PCDHA11: variants seen among roughly 807,000 people sequenced by gnomAD.
The protein encoded by PCDHA11 is protocadherin alpha 11, also known as protocadherin alpha-11.
In PCDHA11, 61 loss-of-function variants were observed where a neutral mutation model predicts 70.3. That is an observed-to-expected ratio of 0.87 (90% CI 0.71 to 1.07). PCDHA11 has a LOEUF of 1.07. PCDHA11 is among the 50% of genes least tolerant of loss of function. The pLI is 0.00. For synonymous variants in PCDHA11, 633 were observed against 555.1 expected, an observed-to-expected ratio of 1.14 and a Z score of -1.97; for missense variants, 1,324 against 1,237.5, an observed-to-expected ratio of 1.07 and a Z score of -1.05.
intron 1 of PCDHA11, among the ~76,000 whole-genome samples, chr5:140,911,436 C>T (rs369054235): frequency 6.1e-4 from 93 of 152,242 alleles, no homozygotes; most frequent in South Asian, 2.9e-3. Context: ...TCCAATTTCC[C>T]GCAATTTCAG....
intron 1 of PCDHA11, among the ~76,000 whole-genome samples, chr5:140,901,437 C>G (rs1554189835): frequency 1.3e-5 from 2 of 152,132 alleles, no homozygotes; most frequent in Non-Finnish European, 2.9e-5. Flanking sequence ...ATATGGATAT[C>G]TAGTTTCCCA....
chr5:140,963,526 T>G (rs1359195018), intron 1 of PCDHA11, among the ~76,000 whole-genome samples: 3 of 152,204 alleles, frequency 2.0e-5, no homozygotes, highest in Non-Finnish European at 4.4e-5. Flanking sequence ...ATAACAGAAG[T>G]CCCATTTACT....
At chr5:140,967,626 G>T in intron 1 of PCDHA11, 2 of 1,614,138 alleles carry the variant, frequency 1.2e-6, no homozygotes, top group Non-Finnish European at 1.7e-6. Flanking sequence ...CCGGATGAGG[G>T]CTCCAATGGT....
chr5:140,876,118 G>T, intron 1 of PCDHA11: 1 of 1,613,926 alleles, frequency 6.2e-7, no homozygotes, highest in South Asian at 1.1e-5. Context: ...GATGGTAATC[G>T]ATGGCGGTAA....
intron 1 of PCDHA11, among the ~76,000 whole-genome samples, chr5:140,920,911 G>C (rs1290667252): frequency 6.6e-6 from 1 of 150,718 alleles, no homozygotes; most frequent in African/African-American, 2.4e-5. Context: ...TCTCAAATCA[G>C]TTCCAAGAGT....
In PCDHA11 at chr5:140,884,578, G is replaced by A. The variant is rs1554181757; in HGVS notation, c.2391+13084G>A. 6 of 1,614,104 alleles carry A rather than the reference G, an allele frequency of 3.7e-6. No homozygotes were observed. In the South Asian group the frequency reaches 4.4e-5, roughly 12 times the overall value. On this transcript the variant is annotated intron_variant, in intron 1 of 3. Transcript: ENST00000398640. ...AGGGCCCGCATAAGACGGACCTCAT[G>A]GCCTTCAGTCCCAGCCTTCCTCCTT...
At chr5:140,983,931 G>A (rs1398681067) in intron 3 of PCDHA11, among the ~76,000 whole-genome samples, 1 of 152,190 alleles carries the variant, frequency 6.6e-6, no homozygotes, top group Non-Finnish European at 1.5e-5. Context: ...GCTATTTATG[G>A]ATGTTGCACA....
intron 1 of PCDHA11, among the ~76,000 whole-genome samples, chr5:140,895,943 TG>T (rs1176755658): frequency 6.6e-6 from 1 of 152,148 alleles, no homozygotes; most frequent in Non-Finnish European, 1.5e-5. Flanking sequence ...CCCGAGTAGC[TG>T]GGATTACAGG....
At chr5:140,940,271 T>C (rs1371680526) in intron 1 of PCDHA11, among the ~76,000 whole-genome samples, 1 of 152,228 alleles carries the variant, frequency 6.6e-6, no homozygotes, top group East Asian at 1.9e-4. Context: ...GGTTCCACTG[T>C]TGTCTCATTG....
rs782590821 is a variant in PCDHA11 at position 140,929,251 on chromosome 5, G to T, written c.2392-49698G>T. On this transcript the variant is annotated intron_variant, in intron 1 of 3. Transcript: ENST00000398640. ...CGACCTGCGAAATCTTGCCACTGGG[G>T]TAGGACTGAATTTGCCAATATCCTG... The T allele has an allele frequency of 3.1e-6, 5 of 1,613,416 alleles. No homozygotes were observed. Among genetic ancestry groups the T allele is most frequent in the African/African-American group, 1.3e-5 (1 of 74,908 alleles).
chr5:140,925,935 CTCTTGGAG>C (rs35448813), intron 1 of PCDHA11, among the ~76,000 whole-genome samples: 7,062 of 152,190 alleles, frequency 0.046, 287 homozygotes, highest in African/African-American at 0.11. Context: ...CAAGTAGAGC[CTCTTGGAG>C]AAGGAGAAAC....
chr5:140,882,351 G>A, intron 1 of PCDHA11: 1 of 1,614,214 alleles, frequency 6.2e-7, no homozygotes, highest in East Asian at 2.2e-5. Context: ...GAGACGGGTA[G>A]TGGCCAGCTC....
At position 140,928,212 on chromosome 5, in the gene PCDHA11, C is replaced by G. The variant is rs1388758279; in HGVS notation, c.2392-50737C>G. The G allele has an allele frequency of 2.5e-6, 4 of 1,614,106 alleles. No individual in the cohort carries two copies. The African/African-American group carries it at 5.3e-5, about 22-fold the overall frequency. On this transcript the variant is annotated intron_variant, in intron 1 of 3. Coordinates refer to ENST00000398640, the MANE Select transcript of PCDHA11 (RefSeq NM_018902.5). Reference sequence around the variant, plus strand: ...CTGTGTCAGTTGCTGATGTGAATGACAATACACCAAACTTTCCTCAACCCC... The same window carrying G: ...CTGTGTCAGTTGCTGATGTGAATGAGAATACACCAAACTTTCCTCAACCCC...
At chr5:140,925,826 G>T (rs1284588733) in intron 1 of PCDHA11, among the ~76,000 whole-genome samples, 3 of 152,066 alleles carry the variant, frequency 2.0e-5, no homozygotes, top group Non-Finnish European at 2.9e-5. Flanking sequence ...CTTCTTTGGG[G>T]ACGGGTCGTC....
intron 1 of PCDHA11, among the ~76,000 whole-genome samples, chr5:140,912,600 T>C (rs2075993093): frequency 6.6e-6 from 1 of 152,156 alleles, no homozygotes; most frequent in African/African-American, 2.4e-5. Context: ...CTTTATTTCT[T>C]CCTCTTGTCT....
At chr5:140,975,849 A>G (rs1157741908) in intron 1 of PCDHA11, among the ~76,000 whole-genome samples, 1 of 152,208 alleles carries the variant, frequency 6.6e-6, no homozygotes, top group Non-Finnish European at 1.5e-5. Flanking sequence ...CAGTAATACT[A>G]CATCACCCAT....
intron 1 of PCDHA11, chr5:140,882,202 T>A: frequency 2.0e-6 from 3 of 1,529,778 alleles, no homozygotes; most frequent in Non-Finnish European, 2.6e-6. Context: ...AAATTGGGCC[T>A]TGAGAGACAG....
At chr5:140,902,203 C>CTTTTTT (rs148688132) in intron 1 of PCDHA11, among the ~76,000 whole-genome samples, 15 of 124,432 alleles carry the variant, frequency 1.2e-4, no homozygotes, top group Non-Finnish European at 2.0e-4. Flanking sequence ...CTCTCTCTTT[C>CTTTTTT]TTTTTTTTTT....
intron 3 of PCDHA11, among the ~76,000 whole-genome samples, chr5:140,989,886 C>T (rs954644773): frequency 1.3e-5 from 2 of 151,784 alleles, no homozygotes. Flanking sequence ...CACTTGGAGT[C>T]TCCGTTATTC....
Sources: gnomAD v4.1 joint callset for allele counts (sites outside exome capture counted in the v4.1 genomes callset) on GRCh38, gnomAD v4.1.1 for gene constraint, MANE v1.5 for transcripts, NCBI Gene and HGNC (gene_info 2026-07-23, HGNC 2026-07-21) for gene names.